The following FGF14 variants were observed in gnomAD, a reference collection of about 807,000 sequenced individuals.
FGF14 encodes fibroblast growth factor 14.
In FGF14, 5 loss-of-function variants were observed where a neutral mutation model predicts 25.5. The observed-to-expected ratio is 0.20, with a 90% CI of 0.10 to 0.41. The LOEUF (loss-of-function observed/expected upper bound fraction) is 0.41, where lower values mean the gene tolerates loss of function less well. Among genes scored for constraint, FGF14 ranks in the 10% least tolerant of loss-of-function variants. The pLI is 1.00. For missense variants in FGF14, 222 were observed against 320.1 expected (o/e 0.69, Z 2.34); for synonymous variants, 138 against 118.3 (o/e 1.17, Z -1.08).
At chr13:101,811,557 A>C (rs748745493) in intron 3 of FGF14, among the ~76,000 whole-genome samples, 1 of 152,180 alleles carries the variant, frequency 6.6e-6, no homozygotes, top group Non-Finnish European at 1.5e-5. Flanking sequence ...ATTATGAATA[A>C]AGCTGCTATA....
intron 1 of FGF14, among the ~76,000 whole-genome samples, chr13:101,925,572 G>A (rs1278894918): frequency 3.9e-5 from 6 of 152,180 alleles, no homozygotes; most frequent in African/African-American, 1.4e-4. Context: ...AAAGATGCAA[G>A]TGAAAGTAAT....
chr13:102,317,164 G>A (rs2056064458), intron 1 of FGF14, among the ~76,000 whole-genome samples: 1 of 152,116 alleles, frequency 6.6e-6, no homozygotes, highest in Non-Finnish European at 1.5e-5. Flanking sequence ...TCTGCAAGAA[G>A]CCATTAATTT....
At chr13:102,345,997 G>A (rs781481328) in intron 1 of FGF14, among the ~76,000 whole-genome samples, 1 of 152,150 alleles carries the variant, frequency 6.6e-6, no homozygotes, top group Non-Finnish European at 1.5e-5. Flanking sequence ...GGAATATATA[G>A]TTCTCTACTA....
chr13:101,925,448 G>T (rs2034298426), intron 1 of FGF14, among the ~76,000 whole-genome samples: 1 of 152,114 alleles, frequency 6.6e-6, no homozygotes, highest in Non-Finnish European at 1.5e-5. Context: ...TAATCTCTGG[G>T]GACAACTGGT....
chr13:101,921,507 C>A (rs940084369), upstream of FGF14, among the ~76,000 whole-genome samples: 1 of 152,150 alleles, frequency 6.6e-6, no homozygotes, highest in Non-Finnish European at 1.5e-5. Flanking sequence ...TCTCTAATAC[C>A]CCGTATATAT....
chr13:102,315,543 T>A (rs556715453), intron 1 of FGF14, among the ~76,000 whole-genome samples: 1 of 152,344 alleles, frequency 6.6e-6, no homozygotes, highest in African/African-American at 2.4e-5. Context: ...GTTTGGGTCA[T>A]AACCCAATAC....
intron 1 of FGF14, among the ~76,000 whole-genome samples, chr13:102,241,454 C>T (rs1012001701): frequency 1.3e-5 from 2 of 152,008 alleles, no homozygotes; most frequent in African/African-American, 2.4e-5. Context: ...CTTTCCCCAT[C>T]GTAAAAAGAC....
intron 1 of FGF14, among the ~76,000 whole-genome samples, chr13:102,035,916 A>G (rs2139966243): frequency 6.6e-6 from 1 of 152,252 alleles, no homozygotes; most frequent in South Asian, 2.1e-4. Context: ...CATAAAGGGG[A>G]CACGAGTCAG....
chr13:102,244,851 C>T (rs1250261500), intron 1 of FGF14, among the ~76,000 whole-genome samples: 1 of 152,022 alleles, frequency 6.6e-6, no homozygotes, highest in Non-Finnish European at 1.5e-5. Context: ...TCTGTTAACA[C>T]ACATAAATAC....
chr13:101,881,427 G>C (rs1312633365), intron 1 of FGF14, among the ~76,000 whole-genome samples: 1 of 152,082 alleles, frequency 6.6e-6, no homozygotes, highest in Non-Finnish European at 1.5e-5. Flanking sequence ...ATACAAAGAT[G>C]AATAATTGTA....
chr13:102,187,243 T>G (rs963185418), intron 1 of FGF14, among the ~76,000 whole-genome samples: 7 of 152,200 alleles, frequency 4.6e-5, no homozygotes, highest in African/African-American at 7.2e-5. Flanking sequence ...AACCCAGACA[T>G]GCATAGATTA....
At chr13:102,050,369 T>G (rs2042166002) in intron 1 of FGF14, among the ~76,000 whole-genome samples, 1 of 152,150 alleles carries the variant, frequency 6.6e-6, no homozygotes, top group Non-Finnish European at 1.5e-5. Flanking sequence ...GAGTCACACT[T>G]TATGGTCATC....
intron 1 of FGF14, among the ~76,000 whole-genome samples, chr13:102,233,870 T>G (rs1196525863): frequency 6.6e-6 from 1 of 152,240 alleles, no homozygotes; most frequent in Non-Finnish European, 1.5e-5. Context: ...ACTTTTAATG[T>G]GCTTCTAATT....
chr13:102,213,032 A>G (rs1793459227), intron 1 of FGF14, among the ~76,000 whole-genome samples: 1 of 152,228 alleles, frequency 6.6e-6, no homozygotes, highest in South Asian at 2.1e-4. Flanking sequence ...TGCCACTTTT[A>G]AAATTATACA....
chr13:102,332,600 T>TC (rs2138844935), intron 1 of FGF14, among the ~76,000 whole-genome samples: 1 of 152,100 alleles, frequency 6.6e-6, no homozygotes, highest in Non-Finnish European at 1.5e-5. Context: ...CAACATTTTT[T>TC]TTTATAAATT....
chr13:101,895,632 C>T (rs1270301552), intron 1 of FGF14, among the ~76,000 whole-genome samples: 1 of 152,058 alleles, frequency 6.6e-6, no homozygotes, highest in African/African-American at 2.4e-5. Flanking sequence ...AGAGAAGTAA[C>T]TTTAAAAAGG....
chr13:101,717,949 G>C lies in FGF14; in HGVS notation c.*4882C>G, dbSNP rs1033852457. On this transcript the variant is annotated 3_prime_UTR_variant, in exon 5 of 5. Coordinates refer to ENST00000376143, the MANE Select transcript of FGF14 (RefSeq NM_004115.4). ...TGCTCTTTTTCATAGTCTCATGTAA[G>C]AAGAGTGTCAAAAATGTCCTCGGCA... 5 of 152,094 alleles carry C rather than the reference G, an allele frequency of 3.3e-5. No individual in the cohort carries two copies. Among genetic ancestry groups the C allele is most frequent in the African/African-American group, 1.2e-4 (5 of 41,422 alleles). The allele number at this position is 152,094 out of a possible 1,614,324, so 9.4% of individuals were successfully genotyped here.
intron 1 of FGF14, among the ~76,000 whole-genome samples, chr13:102,078,886 A>C (rs74827522): frequency 6.6e-6 from 1 of 152,184 alleles, no homozygotes; most frequent in African/African-American, 2.4e-5. Flanking sequence ...GTGTAGAGAA[A>C]GTGGCAAGGT....
chr13:101,891,355 C>T (rs1489088528), intron 1 of FGF14, among the ~76,000 whole-genome samples: 4 of 152,148 alleles, frequency 2.6e-5, no homozygotes, highest in Admixed American at 6.5e-5. Context: ...TTGCTCTCAG[C>T]GTTCAGATAG....
Sources: gnomAD v4.1 joint callset for allele counts (sites outside exome capture counted in the v4.1 genomes callset) on GRCh38, gnomAD v4.1.1 for gene constraint, MANE v1.5 for transcripts, NCBI Gene and HGNC (gene_info 2026-07-23, HGNC 2026-07-21) for gene names.